ANO1: variants seen among roughly 807,000 people sequenced by gnomAD.
ANO1 encodes anoctamin-1.
Under a neutral mutation model 124.0 loss-of-function variants are expected in ANO1, and 59 were observed. The observed-to-expected ratio is 0.48, with a 90% CI of 0.39 to 0.59. The LOEUF (loss-of-function observed/expected upper bound fraction) is 0.59, where lower values mean the gene tolerates loss of function less well. Among genes scored for constraint, ANO1 ranks in the 20% least tolerant of loss-of-function variants. The pLI is 0.00. For missense variants in ANO1, 1,059 were observed against 1,328.0 expected (o/e 0.80, Z 3.15); for synonymous variants, 529 against 532.0 (o/e 0.99, Z 0.08).
chr11:70,000,165 G>T (rs1856354152), intron 1 of ANO1, among the ~76,000 whole-genome samples: 1 of 152,124 alleles, frequency 6.6e-6, no homozygotes, highest in Non-Finnish European at 1.5e-5. Context: ...TACCCAAAAT[G>T]AGCCCTTGGG....
At chr11:70,059,164 C>T (rs1857510079) in intron 1 of ANO1, among the ~76,000 whole-genome samples, 2 of 151,626 alleles carry the variant, frequency 1.3e-5, no homozygotes, top group South Asian at 2.1e-4. Context: ...TGCACTCCAA[C>T]CTGAGCGACA....
At chr11:70,051,315 G>T (rs1192253568) in intron 1 of ANO1, among the ~76,000 whole-genome samples, 2 of 152,142 alleles carry the variant, frequency 1.3e-5, no homozygotes, top group Non-Finnish European at 2.9e-5. Context: ...TATTCTTGTT[G>T]TTCTAGAGTA....
intron 1 of ANO1, among the ~76,000 whole-genome samples, chr11:70,061,284 A>G (rs1857570027): frequency 6.6e-6 from 1 of 152,128 alleles, no homozygotes; most frequent in African/African-American, 2.4e-5. Flanking sequence ...AGATCATCAA[A>G]ATATTGAATA....
In ANO1 at chr11:70,128,886, G is replaced by A. The variant is rs188478880; in HGVS notation, c.1097+2691G>A. Among the ~76,000 whole-genome samples, 408 of 152,348 alleles carry A rather than the reference G, an allele frequency of 2.7e-3. 1 individual carries two copies. The highest frequency in any genetic ancestry group is 3.8e-3 in the Non-Finnish European group (261 of 68,036). The stretch of plus-strand genomic sequence containing the variant: ...GGCAGGGAGGAGAGCCTAGGAGAGC[G>A]GTAGGGCTCATGGGCAGGCCGTTGG... On this transcript the variant is annotated intron_variant, in intron 10 of 25. Transcript: ENST00000355303.
chr11:70,104,502 C>T (rs1448656620), intron 4 of ANO1, among the ~76,000 whole-genome samples: 3 of 152,184 alleles, frequency 2.0e-5, no homozygotes, highest in Non-Finnish European at 4.4e-5. Context: ...CTCCTGCAGC[C>T]CAGGCAGCCT....
chr11:70,013,310 A>G (rs944053158), intron 1 of ANO1, among the ~76,000 whole-genome samples: 3 of 152,312 alleles, frequency 2.0e-5, no homozygotes, highest in Admixed American at 6.5e-5. Context: ...CACGTTGCAA[A>G]TTTGGACTTG....
chr11:70,025,755 GTGGTGGTGACGATGATGATGGTGC>G (rs1856887461), intron 1 of ANO1, among the ~76,000 whole-genome samples: 1 of 147,842 alleles, frequency 6.8e-6, no homozygotes, highest in Admixed American at 6.7e-5. Flanking sequence ...GATGATGGTG[GTGGTGGTGACGATGATGATGGTGC>G]TGGTGGTAGT....
At chr11:70,049,699 TG>T in intron 1 of ANO1, among the ~76,000 whole-genome samples, 2 of 86,694 alleles carry the variant, frequency 2.3e-5, no homozygotes, top group East Asian at 1.4e-3. Context: ...TTTTTTTGTT[TG>T]TTTGTTTGTT....
chr11:70,022,754 C>T (rs1408155611), intron 1 of ANO1, among the ~76,000 whole-genome samples: 1 of 152,120 alleles, frequency 6.6e-6, no homozygotes, highest in Non-Finnish European at 1.5e-5. Flanking sequence ...GTCCTGATCC[C>T]CAGAACCCGT....
chr11:70,096,421 G>A (rs909408382), intron 2 of ANO1, among the ~76,000 whole-genome samples: 1 of 152,170 alleles, frequency 6.6e-6, no homozygotes, highest in African/African-American at 2.4e-5. Context: ...GTGGGCCAGC[G>A]AGCATTCCTA....
chr11:70,174,345 G>A (rs1329377709), intron 22 of ANO1, among the ~76,000 whole-genome samples: 4 of 151,420 alleles, frequency 2.6e-5, no homozygotes, highest in African/African-American at 2.4e-5. Flanking sequence ...GCAGTGAGCC[G>A]AGATCGCACC....
rs765946675 is a variant in ANO1, at chr11:70,078,697, C to G, written c.91C>G (p.Leu31Val). Reference protein sequence around the residue: ...NICAIEDIGYLPSEGTLLNSL... With the variant: ...NICAIEDIGYVPSEGTLLNSL... ...CTGCGCCATCGAGGACATCGGCTAC[C>G]TGCCGTCCGAGGGCACGGTGAGTGC... The change falls in exon 1 of 26, where the codon CTG (leucine) becomes GTG (valine). Residue 31 changes from leucine to valine, a missense_variant. By Grantham distance (32) the Leu-to-Val change is conservative (BLOSUM62 1). Coordinates refer to ENST00000355303, the MANE Select transcript of ANO1 (RefSeq NM_018043.7). 2 of 1,486,770 alleles carry G rather than the reference C, an allele frequency of 1.3e-6. No individual in the cohort carries two copies. Among genetic ancestry groups the G allele is most frequent in the Non-Finnish European group, 1.8e-6 (2 of 1,106,964 alleles). 92.1% of individuals were successfully genotyped at this position (1,486,770 alleles called of 1,614,324 possible).
chr11:70,114,150 A>T (rs1030561008), intron 7 of ANO1, among the ~76,000 whole-genome samples: 1 of 152,226 alleles, frequency 6.6e-6, no homozygotes, highest in African/African-American at 2.4e-5. Context: ...ATCGTGCCTT[A>T]TGCAGCCATG....
intron 23 of ANO1, among the ~76,000 whole-genome samples, chr11:70,180,278 GT>G (rs35515891): frequency 0.19 from 28,322 of 148,080 alleles, 3,021 homozygotes; most frequent in African/African-American, 0.3. Flanking sequence ...TTTTCTGCAA[GT>G]TTTTTTTTTT....
At position 70,126,116 on chromosome 11, in the gene ANO1, C is replaced by CA. The variant is rs1209010423; in HGVS notation, c.1019dup (p.Met341AspfsTer22). 1 of 1,613,704 alleles carries CA rather than the reference C, an allele frequency of 6.2e-7. No homozygotes were observed. The highest frequency in any genetic ancestry group is 1.7e-5 in the Admixed American group (1 of 59,994). On this transcript the variant is annotated frameshift_variant, in exon 10 of 26. Transcript: ENST00000355303. LOFTEE classifies it high-confidence loss of function. ...CTTCGCCTGGCTGGGCGTGTACACC[C>CA]AGATGCTCATCCCTGCCTCCATCGT...
At chr11:70,076,680 G>A (rs1389005746), upstream of ANO1, among the ~76,000 whole-genome samples, 2 of 152,192 alleles carry the variant, frequency 1.3e-5, no homozygotes, top group Admixed American at 6.5e-5. Flanking sequence ...CCAGCCTGGG[G>A]CACTTCTCCA....
intron 11 of ANO1, 176 bp from the exon 12 acceptor site, chr11:70,149,534 C>T: frequency 1.7e-6 from 1 of 601,100 alleles, no homozygotes; most frequent in Non-Finnish European, 2.9e-6. Context: ...GCCTGTAATC[C>T]CAGCTACTCG....
At chr11:70,019,237 A>C (rs2375272) in intron 1 of ANO1, among the ~76,000 whole-genome samples, 31,095 of 67,006 alleles carry the variant, frequency 0.46, 5,040 homozygotes, top group East Asian at 0.63. Flanking sequence ...GGAAAGAAGA[A>C]CCCCCCCACA....
the ANO1 span, among the ~76,000 whole-genome samples, chr11:69,968,613 G>A: frequency 3.9e-5 from 6 of 152,192 alleles, no homozygotes; most frequent in Non-Finnish European, 7.3e-5. Flanking sequence ...TTTCTTCCTC[G>A]GTGGCCCCCG....
Sources: gnomAD v4.1 joint callset for allele counts (sites outside exome capture counted in the v4.1 genomes callset) on GRCh38, gnomAD v4.1.1 for gene constraint, MANE v1.5 for transcripts, NCBI Gene and HGNC (gene_info 2026-07-23, HGNC 2026-07-21) for gene names.